Variants in CD48 observed in about 807,000 individuals in gnomAD.
CD48 encodes CD48 antigen.
CD48 carries 20 observed loss-of-function variants against 22.0 expected under a neutral mutation model. The observed-to-expected ratio is 0.91, with a 90% confidence interval of 0.64 to 1.32. The LOEUF is 1.32. Among genes scored for constraint, CD48 ranks in the 40% most tolerant of loss-of-function variants. CD48 has a pLI of 0.00. For missense variants in CD48, 307 were observed against 286.5 expected, an observed-to-expected ratio of 1.07 and a Z score of -0.52; for synonymous variants, 110 against 110.1, an observed-to-expected ratio of 1.00 and a Z score of 0.01.
intron 3 of CD48, 183 bp downstream of exon 3, chr1:160,681,019 G>C: frequency 6.8e-7 from 1 of 1,467,696 alleles, no homozygotes. Context: ...CGAAGTTGAG[G>C]TAAGCTGGCT....
chr1:160,701,638 T>C (rs1005788700), intron 1 of CD48, among the ~76,000 whole-genome samples: 3 of 152,180 alleles, frequency 2.0e-5, no homozygotes, highest in African/African-American at 7.2e-5. Context: ...GGAATATTAA[T>C]TTCAGCCCTC....
At chr1:160,689,527 T>C (rs1201475979) in intron 1 of CD48, among the ~76,000 whole-genome samples, 1 of 152,180 alleles carries the variant, frequency 6.6e-6, no homozygotes, top group Non-Finnish European at 1.5e-5. Context: ...GGGATGTTAT[T>C]TTCAGGCTAA....
intron 1 of CD48, among the ~76,000 whole-genome samples, chr1:160,685,919 C>T (rs1373510462): frequency 6.6e-6 from 1 of 152,124 alleles, no homozygotes. Flanking sequence ...TATGATTGGA[C>T]AAAAAGGGTA....
At chr1:160,705,341 T>C (rs1339734473) in intron 1 of CD48, among the ~76,000 whole-genome samples, 1 of 152,178 alleles carries the variant, frequency 6.6e-6, no homozygotes, top group Non-Finnish European at 1.5e-5. Flanking sequence ...TCAACCCTCA[T>C]ACATGTATCC....
chr1:160,681,541 C>T (rs1661804447), intron 2 of CD48, 73 bp from the exon 3 acceptor site: 29 of 1,555,210 alleles, frequency 1.9e-5, no homozygotes, highest in Non-Finnish European at 2.4e-5. Context: ...CAACAAAGAA[C>T]AAAGGGATCC....
chr1:160,693,982 G>A (rs1301579954), intron 1 of CD48, among the ~76,000 whole-genome samples: 1 of 152,226 alleles, frequency 6.6e-6, no homozygotes, highest in Non-Finnish European at 1.5e-5. Context: ...CAGTCTCTCT[G>A]CTTCCAGGGG....
chr1:160,694,449 G>A (rs1662337364), intron 1 of CD48, among the ~76,000 whole-genome samples: 3 of 151,280 alleles, frequency 2.0e-5, no homozygotes, highest in Non-Finnish European at 4.4e-5. Context: ...GGACTTGTCG[G>A]CATAGTCACA....
At chr1:160,688,030 T>C (rs531033886) in intron 1 of CD48, among the ~76,000 whole-genome samples, 1 of 152,378 alleles carries the variant, frequency 6.6e-6, no homozygotes, top group South Asian at 2.1e-4. Context: ...CCAATCGCAC[T>C]GCATTTGCAT....
intron 1 of CD48, among the ~76,000 whole-genome samples, chr1:160,698,693 G>A (rs1012219503): frequency 5.9e-5 from 9 of 152,046 alleles, no homozygotes; most frequent in African/African-American, 2.2e-4. Context: ...AATTTATAAT[G>A]AGTCTGAGCA....
intron 1 of CD48, among the ~76,000 whole-genome samples, chr1:160,705,681 C>T (rs1434818984): frequency 2.6e-5 from 4 of 152,126 alleles, no homozygotes; most frequent in Non-Finnish European, 5.9e-5. Context: ...ATTTGTTCTC[C>T]TTCTGTTAGT....
At chr1:160,710,574 T>A (rs1413910719) in intron 1 of CD48, among the ~76,000 whole-genome samples, 1 of 152,058 alleles carries the variant, frequency 6.6e-6, no homozygotes, top group East Asian at 1.9e-4. Flanking sequence ...CTAGAGAAAG[T>A]CCTAAAATAT....
intron 1 of CD48, among the ~76,000 whole-genome samples, chr1:160,689,994 A>G (rs1662145910): frequency 6.6e-6 from 1 of 152,214 alleles, no homozygotes; most frequent in Non-Finnish European, 1.5e-5. Context: ...TAAAGTAAAT[A>G]ATGCCAAATG....
At chr1:160,697,708 A>T (rs1662482571) in intron 1 of CD48, among the ~76,000 whole-genome samples, 1 of 152,182 alleles carries the variant, frequency 6.6e-6, no homozygotes, top group African/African-American at 2.4e-5. Flanking sequence ...CAAAGAATAC[A>T]GAAGTTTTAG....
chr1:160,709,639 G>A (rs937305810), intron 1 of CD48, among the ~76,000 whole-genome samples: 4 of 152,172 alleles, frequency 2.6e-5, no homozygotes, highest in African/African-American at 9.7e-5. Context: ...AGTCTGAGGA[G>A]AGAAGGAAGA....
At chr1:160,692,091 AAAAC>A (rs1662242542) in intron 1 of CD48, 1 of 157,264 alleles carries the variant, frequency 6.4e-6, no homozygotes, top group African/African-American at 2.4e-5. Context: ...GTAAGGAACT[AAAAC>A]AAGCAGGTAG....
intron 1 of CD48, among the ~76,000 whole-genome samples, chr1:160,702,997 G>C (rs1051846911): frequency 6.6e-6 from 1 of 152,138 alleles, no homozygotes; most frequent in African/African-American, 2.4e-5. Context: ...ATGGTAAAAG[G>C]AACAGGAGCT....
intron 1 of CD48, among the ~76,000 whole-genome samples, chr1:160,695,876 C>G (rs1335902647): frequency 6.6e-6 from 1 of 152,146 alleles, no homozygotes; most frequent in African/African-American, 2.4e-5. Flanking sequence ...ATTGGTCCGA[C>G]AAGATTACGA....
intron 1 of CD48, among the ~76,000 whole-genome samples, chr1:160,709,943 C>G (rs10908805): frequency 6.3e-4 from 96 of 152,006 alleles, no homozygotes; most frequent in African/African-American, 2.2e-3. Flanking sequence ...TCCCATCTAA[C>G]CATGCCTTCA....
intron 1 of CD48, among the ~76,000 whole-genome samples, chr1:160,685,429 A>G (rs768562774): frequency 4.6e-5 from 7 of 152,198 alleles, no homozygotes; most frequent in Non-Finnish European, 8.8e-5. Context: ...CTGTCCCCAG[A>G]AAATGAAAGA....
Sources: gnomAD v4.1 joint callset for allele counts (sites outside exome capture counted in the v4.1 genomes callset) on GRCh38, gnomAD v4.1.1 for gene constraint, MANE v1.5 for transcripts, NCBI Gene and HGNC (gene_info 2026-07-23, HGNC 2026-07-21) for gene names.